Variants in U2AF2 observed in about 807,000 individuals in gnomAD.
U2AF2 encodes U2 small nuclear RNA auxiliary factor 2.
A neutral mutation model predicts 52.6 loss-of-function variants in U2AF2; 6 were observed. That is an observed-to-expected ratio of 0.11 (90% CI 0.06 to 0.23). The LOEUF (loss-of-function observed/expected upper bound fraction) is 0.23, where lower values mean the gene tolerates loss of function less well. Among genes scored for constraint, U2AF2 ranks in the 10% least tolerant of loss-of-function variants. U2AF2 has a pLI of 1.00. For missense variants in U2AF2, 222 were observed against 677.1 expected, an observed-to-expected ratio of 0.33 and a Z score of 7.46; for synonymous variants, 284 against 258.2, an observed-to-expected ratio of 1.10 and a Z score of -0.96.
intron 11 of U2AF2, 147 bp downstream of exon 11, chr19:55,669,839 G>C (rs780373070): frequency 7.8e-6 from 10 of 1,280,220 alleles, no homozygotes; most frequent in Non-Finnish European, 9.4e-6. Flanking sequence ...CGCAGCGCGT[G>C]CGTATAGGTG....
intron 7 of U2AF2, chr19:55,664,084 C>T (rs1384264805): frequency 4.0e-6 from 1 of 252,572 alleles, no homozygotes; most frequent in Non-Finnish European, 7.7e-6. Flanking sequence ...TCAGTCTGTG[C>T]CCGTCGGGGC....
chr19:55,657,341 G>A (rs1016071597), intron 1 of U2AF2, among the ~76,000 whole-genome samples: 6 of 152,220 alleles, frequency 3.9e-5, no homozygotes, highest in African/African-American at 1.4e-4. Flanking sequence ...AGCTCTGCCC[G>A]CGTGTCACTG....
At chr19:55,672,055 G>T (rs1007357680) in intron 11 of U2AF2, 2 of 151,906 alleles carry the variant, frequency 1.3e-5, no homozygotes, top group African/African-American at 4.8e-5. Context: ...CTTGAACCCG[G>T]GAGGCGGAGG....
chr19:55,655,256 G>A, intron 1 of U2AF2, 103 bp downstream of exon 1: 1 of 1,309,470 alleles, frequency 7.6e-7, no homozygotes, highest in Non-Finnish European at 1.1e-6. Flanking sequence ...TCACGGCCGC[G>A]CGGCGCCCCC....
chr19:55,672,526 C>T (rs1280400833), intron 11 of U2AF2, among the ~76,000 whole-genome samples: 3 of 152,156 alleles, frequency 2.0e-5, no homozygotes, highest in Non-Finnish European at 2.9e-5. Flanking sequence ...AAGAGCACTA[C>T]TCCCTGCTGA....
At chr19:55,663,780 C>T (rs1279424925) in intron 7 of U2AF2, 36 bp downstream of exon 7, 2 of 1,612,186 alleles carry the variant, frequency 1.2e-6, no homozygotes, top group African/African-American at 1.3e-5. Flanking sequence ...CCTTTCTCCC[C>T]CAGTCCTGTT....
At chr19:55,669,411 C>T in intron 10 of U2AF2, 33 bp from the exon 11 acceptor site, 9 of 1,568,124 alleles carry the variant, frequency 5.7e-6, no homozygotes, top group Non-Finnish European at 7.8e-6. Context: ...GTCTGGGCCC[C>T]CTGTGACGCC....
intron 1 of U2AF2, among the ~76,000 whole-genome samples, chr19:55,655,742 C>T (rs974294535): frequency 2.0e-5 from 3 of 152,234 alleles, no homozygotes; most frequent in African/African-American, 7.2e-5. Flanking sequence ...CTGATCTCTC[C>T]CGCCAGGTGG....
At chr19:55,660,390 C>T (rs1168165724) in intron 3 of U2AF2, 126 bp from the exon 4 acceptor site, 9 of 1,080,204 alleles carry the variant, frequency 8.3e-6, no homozygotes, top group East Asian at 7.7e-5. Context: ...CCCTCTCCTT[C>T]CCTGGAGAGA....
intron 7 of U2AF2, 28 bp downstream of exon 7, chr19:55,663,772 T>A (rs1268442265): frequency 6.2e-7 from 1 of 1,613,340 alleles, no homozygotes; most frequent in South Asian, 1.1e-5. Flanking sequence ...TAAGGGCCCC[T>A]TTCTCCCCCA....
intron 7 of U2AF2, among the ~76,000 whole-genome samples, chr19:55,666,561 C>T (rs756501797): frequency 7.2e-5 from 11 of 152,202 alleles, no homozygotes; most frequent in East Asian, 5.8e-4. Context: ...TGGGGACTGC[C>T]GTGCCTGTTC....
intron 5 of U2AF2, chr19:55,662,236 C>A (rs1249276864): frequency 2.7e-6 from 1 of 372,746 alleles, no homozygotes; most frequent in East Asian, 4.5e-5. Context: ...TTTTGGGGCC[C>A]CTGTGGCTGT....
At chr19:55,666,453 C>T (rs760159449) in intron 7 of U2AF2, among the ~76,000 whole-genome samples, 6 of 152,202 alleles carry the variant, frequency 3.9e-5, no homozygotes, top group African/African-American at 9.6e-5. Flanking sequence ...AAGTTGTTGT[C>T]ATGTAACAGC....
At chr19:55,659,385 CG>C (rs1568548787) in intron 2 of U2AF2, 40 bp downstream of exon 2, 11 of 1,440,534 alleles carry the variant, frequency 7.6e-6, no homozygotes, top group East Asian at 5.5e-5. Context: ...GCCTGGGAGT[CG>C]GGGGGTCGGT....
At chr19:55,658,150 C>T (rs533370099) in intron 1 of U2AF2, among the ~76,000 whole-genome samples, 3 of 152,152 alleles carry the variant, frequency 2.0e-5, no homozygotes, top group Admixed American at 6.5e-5. Flanking sequence ...CCTCTTGTCC[C>T]CAGGGATGAT....
intron 5 of U2AF2, chr19:55,662,185 C>T (rs310445): frequency 0.91 from 223,953 of 246,656 alleles, 102,298 homozygotes; most frequent in Admixed American, 0.95. Flanking sequence ...GTCATCATGC[C>T]CTCTGCCTTT....
At chr19:55,663,799 C>G in intron 7 of U2AF2, 55 bp downstream of exon 7, 1 of 1,603,378 alleles carries the variant, frequency 6.2e-7, no homozygotes, top group African/African-American at 1.3e-5. Context: ...TTCCCATGGC[C>G]TGTCCATCCC....
intron 6 of U2AF2, 137 bp from the exon 7 acceptor site, chr19:55,663,469 C>G (rs1222517645): frequency 1.5e-6 from 2 of 1,349,678 alleles, no homozygotes; most frequent in Non-Finnish European, 2.0e-6. Context: ...GTTGTACTCC[C>G]AGTGCCCAGC....
At chr19:55,666,378 C>T (rs1208218711) in intron 7 of U2AF2, among the ~76,000 whole-genome samples, 1 of 152,240 alleles carries the variant, frequency 6.6e-6, no homozygotes, top group Non-Finnish European at 1.5e-5. Context: ...TGGAACATCC[C>T]TGCCAAGCAG....
Sources: gnomAD v4.1 joint callset for allele counts (sites outside exome capture counted in the v4.1 genomes callset) on GRCh38, gnomAD v4.1.1 for gene constraint, MANE v1.5 for transcripts, NCBI Gene and HGNC (gene_info 2026-07-23, HGNC 2026-07-21) for gene names.